Variants in GAPVD1 observed in about 807,000 individuals in gnomAD.
GAPVD1 encodes GTPase activating protein and VPS9 domains 1, also known as GTPase-activating protein and VPS9 domain-containing protein 1.
A neutral mutation model predicts 155.5 loss-of-function variants in GAPVD1; 35 were observed. The ratio of observed to expected loss-of-function variants is 0.23; its 90% CI spans 0.17 to 0.30. The LOEUF (loss-of-function observed/expected upper bound fraction) is 0.30. Among genes scored for constraint, GAPVD1 ranks in the 10% least tolerant of loss-of-function variants. The pLI is 1.00. For synonymous variants in GAPVD1, 636 were observed against 619.7 expected (o/e 1.03, Z -0.39); for missense variants, 1,429 against 1,775.7 (o/e 0.80, Z 3.51).
chr9:125,295,005 G>A (rs1252626581), intron 2 of GAPVD1, among the ~76,000 whole-genome samples: 1 of 151,696 alleles, frequency 6.6e-6, no homozygotes. Context: ...GAGTCAGACA[G>A]AACTGAGTTT....
Position 125,359,487 on chromosome 9 carries a change from C to T in GAPVD1, c.4039C>T (p.Pro1347Ser), listed in dbSNP as rs1194433446. 3 of 1,505,050 alleles carry T rather than the reference C, an allele frequency of 2.0e-6. No homozygotes were observed. The highest frequency in any genetic ancestry group is 1.7e-4 in the Middle Eastern group (1 of 5,842). 93.2% of individuals were successfully genotyped at this position (1,505,050 alleles called of 1,614,324 possible). A position where few individuals can be genotyped will look rare whatever the true frequency, so the allele number is the denominator to read the frequency against. ...VTANHRALQI[P>S]EVYLREAPWP... ...TGCAAATCACAGAGCTCTTCAGATA[C>T]CAGAGGTAATACAGGTTTATATAGC... The change falls in exon 26 of 28, where the codon CCA (proline) becomes TCA (serine). Residue 1347 changes from proline to serine, a missense_variant. By Grantham distance (74) the Pro-to-Ser change is moderately conservative (BLOSUM62 -1). Around this residue, in one of 4 missense-constraint regions of GAPVD1, gnomAD observed 102 missense variants for 196.5 expected, o/e 0.52. Transcript: ENST00000297933.
At chr9:125,307,090 A>C (rs1291966765) in intron 6 of GAPVD1, among the ~76,000 whole-genome samples, 1 of 151,816 alleles carries the variant, frequency 6.6e-6, no homozygotes, top group East Asian at 1.9e-4. Flanking sequence ...ACATGGCAAA[A>C]CCCCATCTCT....
chr9:125,316,827 A>G (rs1229137606), intron 9 of GAPVD1, among the ~76,000 whole-genome samples: 1 of 152,228 alleles, frequency 6.6e-6, no homozygotes, highest in Non-Finnish European at 1.5e-5. Context: ...ACTGTCTTCC[A>G]TAACAGTTGA....
At chr9:125,329,018 C>T (rs1035135356) in intron 12 of GAPVD1, among the ~76,000 whole-genome samples, 90 of 151,822 alleles carry the variant, frequency 5.9e-4, no homozygotes, top group Non-Finnish European at 1.6e-4. Flanking sequence ...AGGCACTCGG[C>T]AGGCTGAGGC....
rs777689906 is a variant in GAPVD1, at chr9:125,312,599, T to C, written c.1589T>C (p.Met530Thr). The C allele has an allele frequency of 6.3e-7, 1 of 1,585,028 alleles. No homozygotes were observed. The highest frequency in any genetic ancestry group is 2.0e-5 in the Admixed American group (1 of 50,770). Residue 530 changes from methionine (M) to threonine (T), a missense_variant, in exon 9 of 28, where the codon ATG becomes ACG. By Grantham distance (81) the Met-to-Thr change is moderately conservative. This residue lies in a region of GAPVD1 where 628 missense variants were observed against 733.4 expected (regional missense o/e 0.86). Transcript: ENST00000297933. ...GGTCCCCAGCTTACTCCAGGGATGA[T>C]GTCAGAAAATGAGGTATGAATCAGT... The part of the protein sequence containing the change: ...GTGPQLTPGM[M>T]SENEVLNMQL...
At chr9:125,283,790 A>T (rs1186324679) in intron 2 of GAPVD1, among the ~76,000 whole-genome samples, 1 of 152,166 alleles carries the variant, frequency 6.6e-6, no homozygotes, top group Non-Finnish European at 1.5e-5. Context: ...TTTTTTTCCT[A>T]CCTTAGAGAC....
Position 125,362,792 on chromosome 9 carries a change from CAG to C in GAPVD1, c.*48_*49del. On this transcript the variant is annotated 3_prime_UTR_variant, in exon 28 of 28. Transcript: ENST00000297933. ...GGCAGCAGACTGTTAATCAGACAAA[CAG>C]ATCTCTGAGAAGGTGCATCAGCTGC... 6.3e-7 allele frequency: 1 copy of C among 1,581,774 alleles called. No individual in the cohort carries two copies. The highest frequency in any genetic ancestry group is 8.6e-7 in the Non-Finnish European group (1 of 1,158,006).
chr9:125,346,565 G>A, intron 19 of GAPVD1: 1 of 530,698 alleles, frequency 1.9e-6, no homozygotes, highest in Middle Eastern at 4.1e-4. Context: ...AGTCTGCCCT[G>A]AACTTTGACA....
intron 10 of GAPVD1, among the ~76,000 whole-genome samples, chr9:125,323,051 TAAAA>T (rs747447121): frequency 2.9e-5 from 3 of 102,480 alleles, no homozygotes; most frequent in South Asian, 3.4e-4. Context: ...AGACTCTCTC[TAAAA>T]AAAAAAAAAA....
chr9:125,304,707 A>T (rs1004774522), intron 5 of GAPVD1, among the ~76,000 whole-genome samples: 1 of 152,218 alleles, frequency 6.6e-6, no homozygotes, highest in Admixed American at 6.5e-5. Flanking sequence ...AACTTAAGGC[A>T]ATTTAATGAA....
chr9:125,299,383 C>T (rs1199139601), intron 4 of GAPVD1, among the ~76,000 whole-genome samples: 5 of 152,148 alleles, frequency 3.3e-5, no homozygotes, highest in Admixed American at 6.6e-5. Flanking sequence ...GTTGGCTGGG[C>T]GTGGTGGCTC....
At chr9:125,293,869 TATATA>T (rs1483264555) in intron 2 of GAPVD1, among the ~76,000 whole-genome samples, 544 of 21,178 alleles carry the variant, frequency 0.026, 50 homozygotes, top group African/African-American at 0.13. Context: ...TATATATATA[TATATA>T]TATATATATA....
intron 20 of GAPVD1, among the ~76,000 whole-genome samples, chr9:125,349,019 A>G (rs892431585): frequency 2.0e-5 from 3 of 152,228 alleles, no homozygotes; most frequent in South Asian, 2.1e-4. Context: ...GCAGGAGTCC[A>G]TGTCTATAAA....
At chr9:125,341,349 C>A (rs757569415) in intron 18 of GAPVD1, 85 bp downstream of exon 18, 1 of 695,530 alleles carries the variant, frequency 1.4e-6, no homozygotes, top group South Asian at 1.9e-5. Context: ...TGTCTCAACT[C>A]CTCTGTAAGA....
intron 6 of GAPVD1, 118 bp from the exon 7 acceptor site, chr9:125,307,295 T>C (rs1286903507): frequency 2.9e-5 from 21 of 722,908 alleles, no homozygotes; most frequent in Non-Finnish European, 4.1e-5. Flanking sequence ...ATTCAACATC[T>C]TAAAAAAATA....
At chr9:125,303,743 TCC>T (rs1841330132) in intron 5 of GAPVD1, among the ~76,000 whole-genome samples, 1 of 140,084 alleles carries the variant, frequency 7.1e-6, no homozygotes, top group African/African-American at 2.8e-5. Context: ...ACCGTTGCAC[TCC>T]AGCCTGGGCA....
At chr9:125,346,571 T>C in intron 19 of GAPVD1, 1 of 538,466 alleles carries the variant, frequency 1.9e-6, no homozygotes. Context: ...CCCTGAACTT[T>C]GACACTGTCA....
At chr9:125,295,136 A>G (rs1038659986) in intron 2 of GAPVD1, among the ~76,000 whole-genome samples, 27 of 151,946 alleles carry the variant, frequency 1.8e-4, no homozygotes, top group African/African-American at 5.1e-4. Flanking sequence ...AAAGAATAGC[A>G]GAGTACTTGG....
At chr9:125,318,079 T>C (rs1843720293) in intron 9 of GAPVD1, among the ~76,000 whole-genome samples, 1 of 152,118 alleles carries the variant, frequency 6.6e-6, no homozygotes, top group Non-Finnish European at 1.5e-5. Context: ...CCGCCTCCCC[T>C]GTTCAAGTGA....
Sources: gnomAD v4.1 joint callset for allele counts (sites outside exome capture counted in the v4.1 genomes callset) on GRCh38, gnomAD v4.1.1 for gene constraint, gnomAD v4.1.1 regional missense constraint, MANE v1.5 for transcripts, NCBI Gene and HGNC (gene_info 2026-07-23, HGNC 2026-07-21) for gene names.